The following UBASH3B variants were observed in gnomAD, a reference collection of about 807,000 sequenced individuals.
The protein encoded by UBASH3B is ubiquitin associated and SH3 domain containing B.
In UBASH3B, 37 loss-of-function variants were observed where a neutral mutation model predicts 83.4. The ratio of observed to expected loss-of-function variants is 0.44; its 90% CI spans 0.34 to 0.58. The LOEUF is 0.58. UBASH3B is among the 20% of genes least tolerant of loss of function. UBASH3B has a pLI of 0.01. For missense variants in UBASH3B, 657 were observed against 827.2 expected (o/e 0.79, Z 2.52); for synonymous variants, 304 against 318.3 (o/e 0.96, Z 0.48).
At chr11:122,666,854 C>A (rs1021316017) in intron 1 of UBASH3B, among the ~76,000 whole-genome samples, 2 of 151,878 alleles carry the variant, frequency 1.3e-5, no homozygotes, top group Non-Finnish European at 2.9e-5. Context: ...CCCTTCTTTT[C>A]ACTTTCTCTT....
rs142951377 is a variant in UBASH3B, at chr11:122,749,978, C to T, written c.162-26241C>T. Among the ~76,000 whole-genome samples the T allele has an allele frequency of 5.3e-3, 813 of 152,248 alleles. 7 individuals carry two copies. Among genetic ancestry groups the T allele is most frequent in the African/African-American group, 0.019 (771 of 41,546 alleles). The stretch of plus-strand genomic sequence containing the variant: ...AAACTCCTGGCCTCAAGTGATATGC[C>T]GGCTTTGGCTTCCCAAAGTGCTGGG... On this transcript the variant is annotated intron_variant, in intron 1 of 13. Transcript: ENST00000284273.
chr11:122,678,805 A>G (rs903264163), intron 1 of UBASH3B, among the ~76,000 whole-genome samples: 1 of 152,218 alleles, frequency 6.6e-6, no homozygotes, highest in South Asian at 2.1e-4. Flanking sequence ...CATAGCTTAG[A>G]GCAAAGGAAC....
intron 1 of UBASH3B, among the ~76,000 whole-genome samples, chr11:122,749,702 A>G (rs1387363212): frequency 6.6e-6 from 1 of 152,194 alleles, no homozygotes; most frequent in African/African-American, 2.4e-5. Flanking sequence ...AGTAATCGCT[A>G]TTTGAGAGGT....
intron 1 of UBASH3B, among the ~76,000 whole-genome samples, chr11:122,768,948 C>T (rs775593277): frequency 1.2e-4 from 18 of 152,210 alleles, no homozygotes; most frequent in African/African-American, 3.9e-4. Context: ...GACTTGACTG[C>T]TGGCCGTTCA....
At chr11:122,756,262 A>T (rs1275318017) in intron 1 of UBASH3B, among the ~76,000 whole-genome samples, 1 of 152,228 alleles carries the variant, frequency 6.6e-6, no homozygotes, top group African/African-American at 2.4e-5. Flanking sequence ...CTACATCTCG[A>T]TAATTAGAGC....
At chr11:122,794,436 A>G (rs914268707) in intron 6 of UBASH3B, among the ~76,000 whole-genome samples, 8 of 152,080 alleles carry the variant, frequency 5.3e-5, no homozygotes, top group African/African-American at 1.9e-4. Flanking sequence ...CAAACTCCTG[A>G]CCTCAGGTGA....
chr11:122,736,656 A>G (rs41507249), intron 1 of UBASH3B, among the ~76,000 whole-genome samples: 13,281 of 152,020 alleles, frequency 0.087, 642 homozygotes, highest in African/African-American at 0.13. Flanking sequence ...CGCACACATG[A>G]TGAGAAGGAA....
At chr11:122,796,025 G>A in intron 7 of UBASH3B, 131 bp from the exon 8 acceptor site, 1 of 1,145,906 alleles carries the variant, frequency 8.7e-7, no homozygotes, top group Non-Finnish European at 1.3e-6. Flanking sequence ...TGTAGGACGA[G>A]TCTTACTGTC....
At position 122,809,845 on chromosome 11, in the gene UBASH3B, A is replaced by C; in HGVS notation, c.1909A>C (p.Thr637Pro). The change falls in exon 14 of 14, where the codon ACT becomes CCT. Residue 637 changes from threonine to proline, a missense_variant. Transcript: ENST00000284273. ...AATCCTTCCTCTTACCCATGGACCA[A>C]CTGGGGGCTTCAACTGGAGAGAGAC... ...PPILPLTHGP[T>P]GGFNWRETLL... is the part of the protein sequence containing the mutation. 1 of 1,614,188 alleles carries C rather than the reference A, an allele frequency of 6.2e-7. No individual in the cohort carries two copies. The highest frequency in any genetic ancestry group is 8.5e-7 in the Non-Finnish European group (1 of 1,180,026).
In UBASH3B at chr11:122,789,099, G is replaced by A; in HGVS notation, c.772-1G>A. 1 of 1,610,326 alleles carries A rather than the reference G, an allele frequency of 6.2e-7. No individual in the cohort carries two copies. Among genetic ancestry groups the A allele is most frequent in the Non-Finnish European group, 8.5e-7 (1 of 1,178,076 alleles). ...TCACTCACCCTCTCTTCCTTTTCCAGACATTACAGGTCATCTACCCCTATA... is the reference window on the plus strand; with the variant it reads ...TCACTCACCCTCTCTTCCTTTTCCAAACATTACAGGTCATCTACCCCTATA... On this transcript the variant is annotated splice_acceptor_variant, in intron 5 of 13. Coordinates refer to ENST00000284273, the MANE Select transcript of UBASH3B (RefSeq NM_032873.5). LOFTEE classifies it high-confidence loss of function.
intron 12 of UBASH3B, 47 bp from the exon 13 acceptor site, chr11:122,808,020 A>G (rs12793476): frequency 0.13 from 193,891 of 1,469,704 alleles, 14,479 homozygotes; most frequent in Middle Eastern, 0.23. Context: ...CAAAGTTTCC[A>G]TGTCTTTATA....
At chr11:122,794,597 C>A (rs1861120828) in intron 6 of UBASH3B, 105 bp from the exon 7 acceptor site, 2 of 1,437,144 alleles carry the variant, frequency 1.4e-6, no homozygotes, top group African/African-American at 2.8e-5. Flanking sequence ...ATTGTGCTAC[C>A]CACAGAGGGC....
rs890844380 is a variant in UBASH3B, at chr11:122,811,711, C to T, written c.*1825C>T. 1 of 152,094 alleles carries T rather than the reference C, an allele frequency of 6.6e-6. No individual in the cohort carries two copies. Among genetic ancestry groups the T allele is most frequent in the Non-Finnish European group, 1.5e-5 (1 of 68,010 alleles). 9.4% of individuals were successfully genotyped at this position (152,094 alleles called of 1,614,324 possible). ...ACAAATCAATCATGGTTTCTTCTAG[C>T]GTTGCGCAAACACTGACCCAGCTTC... On this transcript the variant is annotated 3_prime_UTR_variant, in exon 14 of 14. Transcript: ENST00000284273.
intron 11 of UBASH3B, among the ~76,000 whole-genome samples, chr11:122,803,615 C>T (rs1368481279): frequency 1.3e-5 from 2 of 152,168 alleles, no homozygotes; most frequent in Non-Finnish European, 2.9e-5. Context: ...ACAAAATCCA[C>T]ACCAGCTGGG....
At chr11:122,723,634 A>G (rs1238405196) in intron 1 of UBASH3B, among the ~76,000 whole-genome samples, 6 of 152,226 alleles carry the variant, frequency 3.9e-5, no homozygotes, top group Non-Finnish European at 7.3e-5. Context: ...ATCAGACAAC[A>G]GTGGCAGGCA....
intron 3 of UBASH3B, among the ~76,000 whole-genome samples, chr11:122,777,947 C>T (rs1028273768): frequency 6.6e-6 from 1 of 152,056 alleles, no homozygotes; most frequent in Non-Finnish European, 1.5e-5. Flanking sequence ...CCAGGCTGGT[C>T]TTGAACTCTT....
Position 122,667,675 on chromosome 11 carries a change from G to T in UBASH3B, c.161+11465G>T, listed in dbSNP as rs550690418. ...TTTGAGAGGAGAGGAAAAATTCTGG[G>T]AAGGCCAGTAGACAGTTCAAATAAT... On this transcript the variant is annotated intron_variant, in intron 1 of 13. Transcript: ENST00000284273. 2.2e-4 allele frequency among the ~76,000 whole-genome samples: 33 copies of T among 152,298 alleles called. No homozygotes were observed. In the South Asian group the frequency reaches 5.4e-3, roughly 25 times the overall value.
rs138806467 is a variant in UBASH3B, at chr11:122,761,779, C to CTTTTT, written c.162-14413_162-14409dup. On this transcript the variant is annotated intron_variant, in intron 1 of 13. Coordinates refer to ENST00000284273, the MANE Select transcript of UBASH3B (RefSeq NM_032873.5). ...CATTTTCATCTGTTTCTCCCAGATC[C>CTTTTT]TTTTTTTTTTTTTTTTTTTTTTTTT... is the stretch of plus-strand genomic sequence containing the variant. 5.8e-4 allele frequency among the ~76,000 whole-genome samples: 38 copies of CTTTTT among 65,408 alleles called. 1 individual carries two copies. The highest frequency in any genetic ancestry group is 2.3e-3 in the African/African-American group (34 of 15,062). The allele number at this position is 65,408 out of a possible 152,430, so 42.9% of individuals were successfully genotyped here.
chr11:122,734,891 T>C (rs1860907976), intron 1 of UBASH3B, among the ~76,000 whole-genome samples: 1 of 152,166 alleles, frequency 6.6e-6, no homozygotes, highest in African/African-American at 2.4e-5. Context: ...TTCAGATCTG[T>C]CTTTTCTAGG....
Sources: gnomAD v4.1 joint callset for allele counts (sites outside exome capture counted in the v4.1 genomes callset) on GRCh38, gnomAD v4.1.1 for gene constraint, MANE v1.5 for transcripts, NCBI Gene and HGNC (gene_info 2026-07-23, HGNC 2026-07-21) for gene names.